The following ZFAND3 variants were observed in gnomAD, a reference collection of about 807,000 sequenced individuals.
ZFAND3 encodes zinc finger AN1-type containing 3.
ZFAND3 carries 10 observed loss-of-function variants against 29.6 expected under a neutral mutation model. The ratio of observed to expected loss-of-function variants is 0.34; its 90% CI spans 0.21 to 0.57. ZFAND3 has a LOEUF of 0.57. ZFAND3 is among the 20% of genes least tolerant of loss of function. The pLI, the probability that ZFAND3 is intolerant of heterozygous loss-of-function variation, is 0.86. For missense variants in ZFAND3, 230 were observed against 304.5 expected (o/e 0.76, Z 1.82); for synonymous variants, 128 against 112.6 (o/e 1.14, Z -0.87).
chr6:37,987,119 G>A (rs1445452448), intron 2 of ZFAND3, among the ~76,000 whole-genome samples: 2 of 152,202 alleles, frequency 1.3e-5, no homozygotes, highest in East Asian at 1.9e-4. Flanking sequence ...CTGCTGTAAA[G>A]TGTGAAATTT....
At chr6:37,832,008 A>G (rs1763870973) in intron 1 of ZFAND3, among the ~76,000 whole-genome samples, 1 of 152,228 alleles carries the variant, frequency 6.6e-6, no homozygotes, top group African/African-American at 2.4e-5. Flanking sequence ...CAGAGAGACC[A>G]GTTAGAGCAA....
intron 1 of ZFAND3, among the ~76,000 whole-genome samples, chr6:37,895,973 G>T (rs35953900): frequency 6.6e-6 from 1 of 152,014 alleles, no homozygotes; most frequent in Non-Finnish European, 1.5e-5. Flanking sequence ...ATGGGAACAC[G>T]CACTATTCTA....
chr6:38,045,085 T>G (rs898016707), intron 2 of ZFAND3, among the ~76,000 whole-genome samples: 7 of 146,604 alleles, frequency 4.8e-5, no homozygotes, highest in African/African-American at 1.5e-4. Flanking sequence ...TTTATTTATT[T>G]ATTTATTTAT....
At chr6:37,840,128 G>A (rs1357589344) in intron 1 of ZFAND3, among the ~76,000 whole-genome samples, 2 of 150,080 alleles carry the variant, frequency 1.3e-5, no homozygotes, top group Admixed American at 6.6e-5. Context: ...ATGGAGTTTC[G>A]CTCTTGTTGC....
chr6:38,027,333 T>TA (rs1487579544), intron 2 of ZFAND3, among the ~76,000 whole-genome samples: 1 of 152,214 alleles, frequency 6.6e-6, no homozygotes, highest in Non-Finnish European at 1.5e-5. Context: ...AGAAACCGCA[T>TA]GGTGGATTTA....
chr6:37,991,791 C>T (rs1351727652), intron 2 of ZFAND3, among the ~76,000 whole-genome samples: 3 of 152,046 alleles, frequency 2.0e-5, no homozygotes. Context: ...TTTACAGACC[C>T]TATTTTGGAG....
At chr6:37,961,245 G>A (rs1035751738) in intron 2 of ZFAND3, among the ~76,000 whole-genome samples, 1 of 152,180 alleles carries the variant, frequency 6.6e-6, no homozygotes, top group Non-Finnish European at 1.5e-5. Context: ...GGTATCAGTG[G>A]ACACGAGGTG....
intron 1 of ZFAND3, among the ~76,000 whole-genome samples, chr6:37,886,510 A>G (rs1764997665): frequency 6.6e-6 from 1 of 152,202 alleles, no homozygotes; most frequent in Non-Finnish European, 1.5e-5. Context: ...TGTTTGGGTC[A>G]GAAGTAGTGG....
At chr6:37,937,821 A>G (rs1227783408) in intron 2 of ZFAND3, among the ~76,000 whole-genome samples, 1 of 152,192 alleles carries the variant, frequency 6.6e-6, no homozygotes, top group African/African-American at 2.4e-5. Flanking sequence ...TAACACACAC[A>G]CACATTTTGG....
intron 2 of ZFAND3, among the ~76,000 whole-genome samples, chr6:38,024,494 A>G (rs950876846): frequency 1.3e-5 from 2 of 150,814 alleles, no homozygotes; most frequent in African/African-American, 4.9e-5. Context: ...AAAAGTACCT[A>G]AACGTGCATG....
chr6:37,927,756 A>G (rs1461506757), intron 1 of ZFAND3, among the ~76,000 whole-genome samples: 2 of 152,210 alleles, frequency 1.3e-5, no homozygotes, highest in African/African-American at 2.4e-5. Context: ...CTTGATTTCC[A>G]TAGACATTCT....
chr6:37,908,399 C>A (rs1459673851), intron 1 of ZFAND3, among the ~76,000 whole-genome samples: 2 of 152,080 alleles, frequency 1.3e-5, no homozygotes, highest in East Asian at 3.9e-4. Flanking sequence ...ATGTCAAGTT[C>A]TCCCCTTGTG....
intron 1 of ZFAND3, among the ~76,000 whole-genome samples, chr6:37,926,748 A>C (rs2127411391): frequency 6.6e-6 from 1 of 152,178 alleles, no homozygotes; most frequent in African/African-American, 2.4e-5. Flanking sequence ...CTCCAGTGAA[A>C]CTTTACCTTT....
intron 2 of ZFAND3, among the ~76,000 whole-genome samples, chr6:37,974,323 CCAG>C (rs892344882): frequency 1.3e-5 from 2 of 151,964 alleles, no homozygotes; most frequent in Non-Finnish European, 2.9e-5. Context: ...CTCGGCCTCC[CCAG>C]ACTGCTGGGA....
intron 4 of ZFAND3, among the ~76,000 whole-genome samples, chr6:38,110,894 G>A (rs1044344439): frequency 6.6e-6 from 1 of 152,226 alleles, no homozygotes; most frequent in Admixed American, 6.5e-5. Flanking sequence ...TGCACGGGGT[G>A]TGTGCAGGCT....
chr6:37,863,151 T>G (rs138589562), intron 1 of ZFAND3, among the ~76,000 whole-genome samples: 62 of 152,280 alleles, frequency 4.1e-4, no homozygotes, highest in Non-Finnish European at 7.1e-4. Context: ...AGGAGAATGC[T>G]CCCACATCAG....
intron 1 of ZFAND3, among the ~76,000 whole-genome samples, chr6:37,914,300 C>A (rs1461664411): frequency 6.6e-6 from 1 of 152,016 alleles, no homozygotes; most frequent in Non-Finnish European, 1.5e-5. Flanking sequence ...TCTTCCAGAC[C>A]CTGTTGTTTC....
At chr6:38,034,267 A>C (rs1429238408) in intron 2 of ZFAND3, among the ~76,000 whole-genome samples, 2 of 152,160 alleles carry the variant, frequency 1.3e-5, no homozygotes, top group Admixed American at 6.6e-5. Flanking sequence ...CCTCTACTCC[A>C]ACCCATGCAA....
At chr6:37,964,271 C>G (rs1287951547) in intron 2 of ZFAND3, among the ~76,000 whole-genome samples, 1 of 152,190 alleles carries the variant, frequency 6.6e-6, no homozygotes, top group Non-Finnish European at 1.5e-5. Flanking sequence ...TTCTGTATCA[C>G]ATGACTACCC....
Sources: gnomAD v4.1 joint callset for allele counts (sites outside exome capture counted in the v4.1 genomes callset) on GRCh38, gnomAD v4.1.1 for gene constraint, MANE v1.5 for transcripts, NCBI Gene and HGNC (gene_info 2026-07-23, HGNC 2026-07-21) for gene names.